UNC13A: variants seen among roughly 807,000 people sequenced by gnomAD.
The protein encoded by UNC13A is protein unc-13 homolog A.
In UNC13A, 61 loss-of-function variants were observed where a neutral mutation model predicts 219.7. The ratio of observed to expected loss-of-function variants is 0.28; its 90% CI spans 0.23 to 0.34. The LOEUF is 0.34. UNC13A is among the 10% of genes least tolerant of loss of function. The probability of loss-of-function intolerance (pLI) is 1.00; values close to 1 mark genes in which losing one functional copy is unlikely to be tolerated. For synonymous variants in UNC13A, 920 were observed against 884.6 expected, an observed-to-expected ratio of 1.04 and a Z score of -0.71; for missense variants, 1,476 against 2,270.3, an observed-to-expected ratio of 0.65 and a Z score of 7.11.
chr19:17,660,272 T>C (rs756929564), intron 8 of UNC13A, among the ~76,000 whole-genome samples: 19 of 140,098 alleles, frequency 1.4e-4, no homozygotes, highest in Non-Finnish European at 2.9e-4. Flanking sequence ...GCTGTGCACA[T>C]GTTTACCCAG....
intron 43 of UNC13A, among the ~76,000 whole-genome samples, chr19:17,606,734 A>G (rs1225172057): frequency 6.6e-6 from 1 of 150,914 alleles, no homozygotes; most frequent in Admixed American, 6.6e-5. Flanking sequence ...CCCTGCCCCT[A>G]ATGTCCCACC....
intron 41 of UNC13A, chr19:17,616,269 C>A: frequency 2.0e-6 from 1 of 503,784 alleles, no homozygotes; most frequent in Non-Finnish European, 3.5e-6. Flanking sequence ...CCGCCTGGGC[C>A]CTCCAAGCCG....
chr19:17,669,818 T>A, intron 4 of UNC13A, 142 bp from the exon 5 acceptor site: 1 of 994,914 alleles, frequency 1.0e-6, no homozygotes, highest in Non-Finnish European at 1.4e-6. Flanking sequence ...CTTCCGTCCT[T>A]CCTTCCTTCC....
At chr19:17,681,180 G>C (rs1184998300) in intron 1 of UNC13A, among the ~76,000 whole-genome samples, 1 of 149,052 alleles carries the variant, frequency 6.7e-6, no homozygotes, top group African/African-American at 2.5e-5. Flanking sequence ...TTACAGGCGT[G>C]AACCACATGG....
At chr19:17,662,919 C>CA (rs35777969) in intron 8 of UNC13A, among the ~76,000 whole-genome samples, 19,281 of 73,646 alleles carry the variant, frequency 0.26, 1,700 homozygotes, top group African/African-American at 0.28. Flanking sequence ...GACTCCGTCT[C>CA]AAAAAAAAAA....
Position 17,626,828 on chromosome 19 carries a change from G to A in UNC13A, c.3921-43C>T, listed in dbSNP as rs775720768. On this transcript the variant is annotated intron_variant, in intron 33 of 43. Coordinates refer to ENST00000519716, the MANE Select transcript of UNC13A (RefSeq NM_001080421.3). The stretch of plus-strand genomic sequence containing the variant: ...AAGGGCTCAGACCACAGGAAGGGCT[G>A]GATGAGGACACAGATGCTGATCTGT... 3.2e-6 allele frequency: 5 copies of A among 1,580,512 alleles called. No homozygotes were observed. The East Asian group carries it at 1.1e-4, about 36-fold the overall frequency.
intron 11 of UNC13A, among the ~76,000 whole-genome samples, chr19:17,654,124 G>A (rs2079406208): frequency 6.6e-6 from 1 of 152,136 alleles, no homozygotes; most frequent in Admixed American, 6.6e-5. Flanking sequence ...ACCACGCCCG[G>A]CCATCACTTC....
chr19:17,672,876 C>T (rs1005207653), intron 3 of UNC13A, among the ~76,000 whole-genome samples: 1 of 152,086 alleles, frequency 6.6e-6, no homozygotes, highest in African/African-American at 2.4e-5. Context: ...AGGATAAGGA[C>T]ATTCGGGTCA....
chr19:17,669,487 G>A, intron 5 of UNC13A, 66 bp downstream of exon 5: 1 of 1,579,514 alleles, frequency 6.3e-7, no homozygotes, highest in Non-Finnish European at 8.6e-7. Context: ...TCACTCTCCT[G>A]GAATAGCTGA....
At chr19:17,618,069 C>T (rs2076687386) in intron 40 of UNC13A, among the ~76,000 whole-genome samples, 1 of 152,192 alleles carries the variant, frequency 6.6e-6, no homozygotes, top group African/African-American at 2.4e-5. Flanking sequence ...CTCGCCCAGC[C>T]CCCATCCTTC....
intron 25 of UNC13A, among the ~76,000 whole-genome samples, chr19:17,638,446 C>T (rs549806043): frequency 1.3e-5 from 2 of 150,648 alleles, no homozygotes; most frequent in South Asian, 4.2e-4. Context: ...CCAGCCTGGG[C>T]AACAGAGCAA....
chr19:17,662,106 G>T (rs1156672173), intron 8 of UNC13A, among the ~76,000 whole-genome samples: 2 of 152,080 alleles, frequency 1.3e-5, no homozygotes. Flanking sequence ...AGCTGGGCAT[G>T]GTGGCACGCG....
chr19:17,640,036 AT>A (rs369769696), intron 22 of UNC13A, 128 bp from the exon 23 acceptor site: 58,613 of 674,150 alleles, frequency 0.087, 10 homozygotes, highest in South Asian at 0.14. Context: ...ATTCTATGGC[AT>A]TTTTTTTTTT....
rs1467263299 is a variant in UNC13A, at chr19:17,605,155, G to C, written c.*899C>G. On this transcript the variant is annotated 3_prime_UTR_variant, in exon 44 of 44. Transcript: ENST00000519716. ...CTTGGAGGAGGCCGAGGGGGAATTA[G>C]CAGCAATAGGGAGCTGTGTCAGGTC... 1 of 152,724 alleles carries C rather than the reference G, an allele frequency of 6.5e-6. No individual in the cohort carries two copies. Among genetic ancestry groups the C allele is most frequent in the African/African-American group, 2.4e-5 (1 of 41,448 alleles). 9.5% of individuals were successfully genotyped at this position (152,724 alleles called of 1,614,324 possible).
At chr19:17,616,905 G>C (rs901504285) in intron 41 of UNC13A, among the ~76,000 whole-genome samples, 7 of 152,158 alleles carry the variant, frequency 4.6e-5, no homozygotes, top group African/African-American at 1.4e-4. Context: ...TTGAAAAGGG[G>C]GGGTCCCCAG....
At chr19:17,623,664 C>A in intron 35 of UNC13A, 117 bp from the exon 36 acceptor site, 1 of 523,518 alleles carries the variant, frequency 1.9e-6, no homozygotes, top group South Asian at 2.9e-5. Flanking sequence ...GACCCCTGCC[C>A]CAGCCCAGCC....
chr19:17,648,719 G>A lies in UNC13A; in HGVS notation c.1597-69C>T. 5 of 1,560,180 alleles carry A rather than the reference G, an allele frequency of 3.2e-6. No individual in the cohort carries two copies. The South Asian group carries it at 4.7e-5, about 15-fold the overall frequency. ...CGCTGTCCCTGTCCTGCCCCATTCC[G>A]CCCCATCACTGAGCGCGGTAAAGTC... is the stretch of plus-strand genomic sequence containing the variant. On this transcript the variant is annotated intron_variant, in intron 15 of 43. Coordinates refer to ENST00000519716, the MANE Select transcript of UNC13A (RefSeq NM_001080421.3).
chr19:17,629,416 A>C (rs2076818221), intron 30 of UNC13A, 93 bp from the exon 31 acceptor site: 1 of 1,157,130 alleles, frequency 8.6e-7, no homozygotes, highest in African/African-American at 1.5e-5. Context: ...ATCAGTGATG[A>C]ACCCAAACCC....
intron 16 of UNC13A, among the ~76,000 whole-genome samples, chr19:17,647,839 C>T (rs1408332844): frequency 1.4e-5 from 2 of 141,926 alleles, no homozygotes; most frequent in Non-Finnish European, 3.1e-5. Flanking sequence ...TGAATCTCCG[C>T]CCCCTCTCTG....
Sources: gnomAD v4.1 joint callset for allele counts (sites outside exome capture counted in the v4.1 genomes callset) on GRCh38, gnomAD v4.1.1 for gene constraint, MANE v1.5 for transcripts, NCBI Gene and HGNC (gene_info 2026-07-23, HGNC 2026-07-21) for gene names.